Variants in ARL6IP6 observed in about 807,000 individuals in gnomAD.
ARL6IP6 encodes the protein ARF like GTPase 6 interacting protein 6.
In ARL6IP6, 22 loss-of-function variants were observed where a neutral mutation model predicts 21.5. The observed-to-expected ratio is 1.02, with a 90% CI of 0.73 to 1.46. The LOEUF (loss-of-function observed/expected upper bound fraction) is 1.46. Among genes scored for constraint, ARL6IP6 ranks in the 40% most tolerant of loss-of-function variants. The pLI is 0.00. For missense variants in ARL6IP6, 388 were observed against 299.8 expected (o/e 1.29, Z -2.17); for synonymous variants, 164 against 125.3 (o/e 1.31, Z -2.06).
chr2:152,722,701 G>A (rs1193688462), intron 2 of ARL6IP6, among the ~76,000 whole-genome samples: 1 of 152,114 alleles, frequency 6.6e-6, no homozygotes, highest in Non-Finnish European at 1.5e-5. Context: ...TCAGGAGTTC[G>A]AGACCAGCCT....
intron 3 of ARL6IP6, among the ~76,000 whole-genome samples, chr2:152,745,746 TG>T (rs748295216): frequency 6.6e-6 from 1 of 152,296 alleles, no homozygotes; most frequent in East Asian, 1.9e-4. Flanking sequence ...TTGAGTATCA[TG>T]AAATCTCATT....
intron 3 of ARL6IP6, among the ~76,000 whole-genome samples, chr2:152,751,107 T>C (rs567301023): frequency 6.6e-6 from 1 of 152,364 alleles, no homozygotes; most frequent in South Asian, 2.1e-4. Flanking sequence ...CTACCCACTT[T>C]TGAAGTTTGG....
At chr2:152,718,589 G>A, upstream of ARL6IP6, 2 of 1,502,004 alleles carry the variant, frequency 1.3e-6, no homozygotes, top group Non-Finnish European at 1.8e-6. Flanking sequence ...AGGTGGGAGA[G>A]GCTCGTTCTC....
At chr2:152,739,836 A>G (rs568605960) in intron 3 of ARL6IP6, among the ~76,000 whole-genome samples, 1 of 152,332 alleles carries the variant, frequency 6.6e-6, no homozygotes, top group African/African-American at 2.4e-5. Flanking sequence ...CAATCATGGC[A>G]AAAGGCAAAG....
chr2:152,745,502 CAG>C (rs1050255180), intron 3 of ARL6IP6, among the ~76,000 whole-genome samples: 27 of 152,234 alleles, frequency 1.8e-4, no homozygotes, highest in South Asian at 2.1e-4. Context: ...AGGTCAAAAA[CAG>C]TGGGTTAGTT....
chr2:152,755,371 C>T (rs1328824610), intron 3 of ARL6IP6, among the ~76,000 whole-genome samples: 4 of 152,050 alleles, frequency 2.6e-5, no homozygotes, highest in South Asian at 2.1e-4. Flanking sequence ...GCCTGACATC[C>T]GTCAGGCCCG....
At chr2:152,755,967 A>T (rs1355169347) in intron 3 of ARL6IP6, among the ~76,000 whole-genome samples, 1 of 152,150 alleles carries the variant, frequency 6.6e-6, no homozygotes, top group African/African-American at 2.4e-5. Context: ...TTTTACTTAT[A>T]AGAGTTATTT....
chr2:152,735,239 T>A, intron 3 of ARL6IP6, 113 bp downstream of exon 3: 1 of 1,164,592 alleles, frequency 8.6e-7, no homozygotes, highest in Non-Finnish European at 1.2e-6. Context: ...TCAGTCTTTA[T>A]AAAGCACTAA....
chr2:152,721,167 A>C (rs1699773809), intron 2 of ARL6IP6, among the ~76,000 whole-genome samples: 1 of 152,174 alleles, frequency 6.6e-6, no homozygotes, highest in Non-Finnish European at 1.5e-5. Flanking sequence ...TTTTAAACAC[A>C]ACTGCATGTG....
intron 1 of ARL6IP6, chr2:152,719,971 C>T (rs1229112697): frequency 3.6e-6 from 1 of 280,096 alleles, no homozygotes; most frequent in African/African-American, 9.7e-5. Context: ...GACACTTTGG[C>T]CAGTTGATGT....
At chr2:152,756,226 CT>C (rs567232537) in intron 3 of ARL6IP6, among the ~76,000 whole-genome samples, 44 of 152,142 alleles carry the variant, frequency 2.9e-4, no homozygotes, top group Non-Finnish European at 5.6e-4. Context: ...GTATTTAGGT[CT>C]TTGGTCTATT....
At chr2:152,741,398 G>GTT (rs1248117577) in intron 3 of ARL6IP6, among the ~76,000 whole-genome samples, 5 of 142,636 alleles carry the variant, frequency 3.5e-5, no homozygotes, top group Admixed American at 1.4e-4. Flanking sequence ...AAGTACCTGG[G>GTT]TTTTTTTTTT....
intron 3 of ARL6IP6, among the ~76,000 whole-genome samples, chr2:152,735,684 A>C (rs557043861): frequency 1.3e-5 from 2 of 152,306 alleles, no homozygotes; most frequent in East Asian, 3.9e-4. Flanking sequence ...GTTCTAACCT[A>C]GTTTATTCAT....
chr2:152,758,418 T>G (rs1228369368), intron 3 of ARL6IP6, among the ~76,000 whole-genome samples: 1 of 152,170 alleles, frequency 6.6e-6, no homozygotes, highest in African/African-American at 2.4e-5. Flanking sequence ...AAATATTTTA[T>G]GATGAATGAT....
At chr2:152,738,162 CG>C (rs898710445) in intron 3 of ARL6IP6, among the ~76,000 whole-genome samples, 2 of 152,218 alleles carry the variant, frequency 1.3e-5, no homozygotes, top group African/African-American at 4.8e-5. Context: ...CCTTTGACTC[CG>C]TATCTCACAT....
intron 3 of ARL6IP6, among the ~76,000 whole-genome samples, chr2:152,748,763 C>T (rs768867369): frequency 6.6e-6 from 1 of 152,190 alleles, no homozygotes; most frequent in Non-Finnish European, 1.5e-5. Flanking sequence ...GCATCTCTGA[C>T]ATGTGGGAAT....
At chr2:152,749,842 A>G (rs1234820545) in intron 3 of ARL6IP6, among the ~76,000 whole-genome samples, 2 of 152,346 alleles carry the variant, frequency 1.3e-5, no homozygotes, top group South Asian at 4.1e-4. Context: ...CATACCTTCT[A>G]TATAGCTTAT....
intron 3 of ARL6IP6, among the ~76,000 whole-genome samples, chr2:152,752,392 T>G (rs1197072751): frequency 6.6e-6 from 1 of 152,210 alleles, no homozygotes; most frequent in African/African-American, 2.4e-5. Context: ...GGTTTGGTCA[T>G]GCGTGCCTCT....
At chr2:152,748,343 T>C (rs1427086832) in intron 3 of ARL6IP6, among the ~76,000 whole-genome samples, 6 of 152,246 alleles carry the variant, frequency 3.9e-5, no homozygotes, top group Non-Finnish European at 7.3e-5. Context: ...AAGGAAATGC[T>C]TTTTAAGTTA....
Sources: allele counts gnomAD v4.1 joint callset (sites outside exome capture counted in the v4.1 genomes callset), GRCh38; gene constraint gnomAD v4.1.1; transcripts MANE v1.5; gene names NCBI Gene and HGNC (gene_info 2026-07-23, HGNC 2026-07-21).